SCN1A: variants seen among roughly 807,000 people sequenced by gnomAD.
The protein encoded by SCN1A is sodium voltage-gated channel alpha subunit 1.
SCN1A carries 13 observed loss-of-function variants against 193.7 expected under a neutral mutation model. That is an observed-to-expected ratio of 0.07 (90% CI 0.04 to 0.11). The LOEUF (loss-of-function observed/expected upper bound fraction) is 0.11. SCN1A is among the 10% of genes least tolerant of loss of function. The pLI, the probability that SCN1A is intolerant of heterozygous loss-of-function variation, is 1.00. For synonymous variants in SCN1A, 781 were observed against 843.6 expected (o/e 0.93, Z 1.29); for missense variants, 1,432 against 2,451.1 (o/e 0.58, Z 8.78).
intron 11 of SCN1A, among the ~76,000 whole-genome samples, 153 bp from the exon 12 acceptor site, chr2:166,047,129 A>C (rs1697939443): frequency 6.6e-6 from 1 of 151,988 alleles, no homozygotes; most frequent in Non-Finnish European, 1.5e-5. Flanking sequence ...TGTTTCTTTA[A>C]CTTCAGCTTC....
At chr2:166,091,102 C>T (rs1686754399) in intron 2 of SCN1A, among the ~76,000 whole-genome samples, 1 of 152,176 alleles carries the variant, frequency 6.6e-6, no homozygotes, top group South Asian at 2.1e-4. Context: ...ACACAGCTGA[C>T]TGACTGATGG....
chr2:166,096,474 G>T (rs1302406873), intron 2 of SCN1A, among the ~76,000 whole-genome samples: 1 of 152,062 alleles, frequency 6.6e-6, no homozygotes, highest in South Asian at 2.1e-4. Flanking sequence ...TAGAGACAGG[G>T]TTTCACCATG....
intron 28 of SCN1A, chr2:165,993,317 A>G (rs866900597): frequency 2.0e-5 from 3 of 152,170 alleles, no homozygotes; most frequent in African/African-American, 7.2e-5. Flanking sequence ...GGCTATATAC[A>G]ATGAGCTGGA....
chr2:166,063,863 G>A (rs902640676), intron 4 of SCN1A, among the ~76,000 whole-genome samples: 2 of 151,950 alleles, frequency 1.3e-5, no homozygotes, highest in East Asian at 3.9e-4. Context: ...GAAATATGGA[G>A]TTACACTTAC....
chr2:166,105,427 G>A (rs528644035), intron 2 of SCN1A, among the ~76,000 whole-genome samples: 1 of 152,286 alleles, frequency 6.6e-6, no homozygotes, highest in South Asian at 2.1e-4. Context: ...TTCTACATAT[G>A]TAGTTATGCT....
chr2:166,065,626 A>G (rs1683760880), intron 4 of SCN1A, among the ~76,000 whole-genome samples: 2 of 152,122 alleles, frequency 1.3e-5, no homozygotes, highest in African/African-American at 4.8e-5. Context: ...AGTCTCATTC[A>G]ATTTTTTCCT....
intron 16 of SCN1A, among the ~76,000 whole-genome samples, chr2:166,040,571 C>T (rs1174021109): frequency 6.6e-6 from 1 of 152,180 alleles, no homozygotes; most frequent in African/African-American, 2.4e-5. Context: ...GCATAAATTA[C>T]TTTAGATAGC....
chr2:166,072,042 GC>G (rs1684484755), intron 4 of SCN1A, among the ~76,000 whole-genome samples: 3 of 152,116 alleles, frequency 2.0e-5, no homozygotes, highest in Admixed American at 2.0e-4. Context: ...TTATAAAACT[GC>G]CTCAAATTCA....
chr2:166,094,430 A>C (rs1687157361), intron 2 of SCN1A, among the ~76,000 whole-genome samples: 1 of 152,192 alleles, frequency 6.6e-6, no homozygotes, highest in Non-Finnish European at 1.5e-5. Flanking sequence ...AAATTGAGTC[A>C]AATTTATTTT....
intron 1 of SCN1A, among the ~76,000 whole-genome samples, chr2:166,148,198 G>A (rs1002978076): frequency 6.6e-6 from 1 of 152,132 alleles, no homozygotes; most frequent in African/African-American, 2.4e-5. Flanking sequence ...TTTTAGATTA[G>A]ATGCCATCTG....
Position 166,107,172 on chromosome 2 carries a change from A to C in SCN1A, c.-142+19752T>G, listed in dbSNP as rs73028911. On this transcript the variant is annotated intron_variant, in intron 2 of 28. Coordinates refer to ENST00000674923, the MANE Select transcript of SCN1A (RefSeq NM_001165963.4). ...CATCCACTAGCACTTTTCTGAAACA[A>C]AAAGCAAGTAATCTTCGAATTCACA... Among the ~76,000 whole-genome samples the C allele has an allele frequency of 5.7e-3, 865 of 152,274 alleles. 12 individuals carry two copies. The highest frequency in any genetic ancestry group is 0.02 in the African/African-American group (844 of 41,536).
At chr2:166,119,540 G>A (rs1190801034) in intron 2 of SCN1A, among the ~76,000 whole-genome samples, 2 of 152,136 alleles carry the variant, frequency 1.3e-5, no homozygotes, top group Admixed American at 1.3e-4. Flanking sequence ...ATTGCAAATA[G>A]TAGATGTTTT....
chr2:166,128,169 C>T (rs1043933602), upstream of SCN1A: 3 of 151,848 alleles, frequency 2.0e-5, no homozygotes, highest in Non-Finnish European at 4.4e-5. Flanking sequence ...TCTTTTCTCT[C>T]AGCCTTTTTT....
At chr2:166,122,070 G>A (rs1218216537) in intron 2 of SCN1A, among the ~76,000 whole-genome samples, 1 of 152,150 alleles carries the variant, frequency 6.6e-6, no homozygotes, top group African/African-American at 2.4e-5. Flanking sequence ...TGGACTTCGA[G>A]CCTCCAGAAC....
At chr2:166,064,893 A>C (rs1223884906) in intron 4 of SCN1A, among the ~76,000 whole-genome samples, 1 of 152,206 alleles carries the variant, frequency 6.6e-6, no homozygotes, top group East Asian at 1.9e-4. Flanking sequence ...GATGAACAAT[A>C]CACAAAATGT....
Position 166,036,370 on chromosome 2 carries a change from T to A in SCN1A, c.3107A>T (p.Gln1036Leu). The change falls in exon 19 of 29, where the codon CAG (glutamine) becomes CTG (leucine). Residue 1036 changes from glutamine to leucine, a missense_variant. By Grantham distance (113) the Gln-to-Leu change is moderately radical. Transcript: ENST00000674923. ...VKRKIYEFIQ[Q>L]SFIRKQKILD... ...AATCTTTTGTTTCCTAATGAAGGAC[T>A]GTTGAATAAATTCATATATTTTTCT... The A allele has an allele frequency of 6.2e-7, 1 of 1,604,544 alleles. No homozygotes were observed. Among genetic ancestry groups the A allele is most frequent in the South Asian group, 1.1e-5 (1 of 88,736 alleles).
intron 5 of SCN1A, among the ~76,000 whole-genome samples, 166 bp downstream of exon 5, chr2:166,058,402 CTA>C (rs1699333283): frequency 6.6e-6 from 1 of 151,866 alleles, no homozygotes; most frequent in African/African-American, 2.4e-5. Flanking sequence ...TCAGTAATGT[CTA>C]TGTGATTAAT....
upstream of SCN1A, among the ~76,000 whole-genome samples, chr2:166,129,625 C>T (rs1157831017): frequency 1.3e-5 from 2 of 152,052 alleles, no homozygotes; most frequent in Non-Finnish European, 2.9e-5. Context: ...AACTGGTAAA[C>T]GATTGCCAAG....
chr2:166,093,250 G>A (rs1422059315), intron 2 of SCN1A, among the ~76,000 whole-genome samples: 3 of 151,846 alleles, frequency 2.0e-5, no homozygotes, highest in Admixed American at 6.5e-5. Flanking sequence ...AATGTAGGCT[G>A]TGTTGATATG....
Sources: allele counts gnomAD v4.1 joint callset (sites outside exome capture counted in the v4.1 genomes callset), GRCh38; gene constraint gnomAD v4.1.1; transcripts MANE v1.5; gene names NCBI Gene and HGNC (gene_info 2026-07-23, HGNC 2026-07-21).